The following SYNJ2 variants were observed in gnomAD, a reference collection of about 807,000 sequenced individuals.
SYNJ2 encodes synaptojanin 2, also known as polyphosphatidylinositol phosphatase SYNJ2.
Under a neutral mutation model 141.3 loss-of-function variants are expected in SYNJ2, and 116 were observed. The observed-to-expected ratio is 0.82, with a 90% CI of 0.71 to 0.96. The LOEUF (loss-of-function observed/expected upper bound fraction) is 0.96. SYNJ2 is among the 40% of genes least tolerant of loss of function. The pLI is 0.00. For synonymous variants in SYNJ2, 745 were observed against 777.7 expected (o/e 0.96, Z 0.70); for missense variants, 1,873 against 1,934.8 (o/e 0.97, Z 0.60).
intron 15 of SYNJ2, among the ~76,000 whole-genome samples, chr6:158,073,055 G>A (rs1470859852): frequency 8.0e-6 from 1 of 125,472 alleles, no homozygotes. Context: ...CGGCAACAGA[G>A]CGAGACTCTG....
intron 15 of SYNJ2, 80 bp from the exon 16 acceptor site, chr6:158,074,500 C>T: frequency 6.9e-7 from 1 of 1,455,256 alleles, no homozygotes; most frequent in South Asian, 1.3e-5. Context: ...TCCTGCTTGC[C>T]CCAGTGAGCT....
At chr6:157,984,241 T>G (rs1777117193) in intron 1 of SYNJ2, among the ~76,000 whole-genome samples, 1 of 152,246 alleles carries the variant, frequency 6.6e-6, no homozygotes, top group South Asian at 2.1e-4. Context: ...AGAGAATGTT[T>G]GTAGGAGAGA....
intron 20 of SYNJ2, 40 bp from the exon 21 acceptor site, chr6:158,083,389 G>A (rs1436105329): frequency 1.2e-6 from 2 of 1,603,832 alleles, no homozygotes; most frequent in Admixed American, 3.4e-5. Context: ...GAGGGGTCAT[G>A]ATTTTTATTT....
chr6:157,989,989 G>T (rs982757691), intron 1 of SYNJ2, among the ~76,000 whole-genome samples: 1 of 152,338 alleles, frequency 6.6e-6, no homozygotes, highest in South Asian at 2.1e-4. Flanking sequence ...AGCCAGCCTC[G>T]GAGCGTGAGT....
intron 1 of SYNJ2, 165 bp from the exon 2 acceptor site, chr6:158,017,039 T>G: frequency 1.5e-6 from 2 of 1,337,278 alleles, no homozygotes; most frequent in Non-Finnish European, 1.9e-6. Flanking sequence ...GCTCTGTGAT[T>G]CGCGAATCAT....
At chr6:158,088,033 AATTTTTTTTTTTTTTTTTT>A (rs1783184454) in intron 23 of SYNJ2, among the ~76,000 whole-genome samples, 3 of 36,816 alleles carry the variant, frequency 8.1e-5, no homozygotes, top group African/African-American at 2.7e-4. Context: ...CCTGCTTTGG[AATTTTTTTTTTTTTTTTTT>A]TTTTTTTTTT....
At position 158,040,499 on chromosome 6, in the gene SYNJ2, A is replaced by G. The variant is rs1779887541; in HGVS notation, c.712-2817A>G. On this transcript the variant is annotated intron_variant, in intron 4 of 26. Transcript: ENST00000355585. This position sits in a 1 kb window ranked among gnomAD's most constrained non-coding sequence, Gnocchi z 4.2. ...GCTCTGCAGTGCTGACTCACCACAC[A>G]GAAAAACAAGACCAAAAAGTCCCCT... Among the ~76,000 whole-genome samples the G allele has an allele frequency of 6.6e-6, 1 of 151,986 alleles. No homozygotes were observed. The highest frequency in any genetic ancestry group is 1.5e-5 in the Non-Finnish European group (1 of 68,020).
chr6:158,070,072 G>A lies in SYNJ2; in HGVS notation c.1940+399G>A. 1 of 837,460 alleles carries A rather than the reference G, an allele frequency of 1.2e-6. No homozygotes were observed. Among genetic ancestry groups the A allele is most frequent in the East Asian group, 1.2e-4 (1 of 8,296 alleles). The allele number at this position is 837,460 out of a possible 1,614,324, so 51.9% of individuals were successfully genotyped here. A position where few individuals can be genotyped will look rare whatever the true frequency, so the allele number is the denominator to read the frequency against. The stretch of plus-strand genomic sequence containing the variant: ...TAAAAGAATTCTAAGTAGAACGTGT[G>A]GGCCTCTACAACTGTGACCTCATTG... On this transcript the variant is annotated intron_variant, in intron 14 of 26. Coordinates refer to ENST00000355585, the MANE Select transcript of SYNJ2 (RefSeq NM_003898.4). The surrounding 1 kb of genome is among the most constrained non-coding windows in gnomAD (Gnocchi z 4.0).
intron 6 of SYNJ2, among the ~76,000 whole-genome samples, chr6:158,056,603 G>A (rs1460907786): frequency 2.0e-5 from 3 of 152,142 alleles, no homozygotes; most frequent in African/African-American, 4.8e-5. Flanking sequence ...CCTAGTGGCC[G>A]CAGTGGGGCA....
At chr6:157,989,216 A>G (rs1011677823) in intron 1 of SYNJ2, among the ~76,000 whole-genome samples, 3 of 151,920 alleles carry the variant, frequency 2.0e-5, no homozygotes, top group Non-Finnish European at 4.4e-5. Context: ...ACATTTGTGG[A>G]GTGTTTACCA....
chr6:158,041,286 C>T lies in SYNJ2; in HGVS notation c.712-2030C>T, dbSNP rs555136864. ...TCTCCTGCTTCCACTCTCTGTCCTG[C>T]CTCCCCACCCCAAGAGCCCTCTGTC... On this transcript the variant is annotated intron_variant, in intron 4 of 26. Coordinates refer to ENST00000355585, the MANE Select transcript of SYNJ2 (RefSeq NM_003898.4). Among the ~76,000 whole-genome samples the T allele has an allele frequency of 7.0e-4, 107 of 152,312 alleles. 1 individual carries two copies. Among genetic ancestry groups the T allele is most frequent in the African/African-American group, 2.3e-3 (96 of 41,566 alleles).
At chr6:158,060,736 T>G (rs1583432593) in intron 7 of SYNJ2, among the ~76,000 whole-genome samples, 1 of 152,212 alleles carries the variant, frequency 6.6e-6, no homozygotes, top group Non-Finnish European at 1.5e-5. Flanking sequence ...AGAATAATAA[T>G]AAGAACCCCA....
chr6:158,052,137 G>A (rs1295483563), intron 5 of SYNJ2, among the ~76,000 whole-genome samples: 1 of 152,184 alleles, frequency 6.6e-6, no homozygotes, highest in Non-Finnish European at 1.5e-5. Flanking sequence ...CATGATAATA[G>A]CTGCATCTCA....
chr6:158,096,054 G>A lies in SYNJ2; in HGVS notation c.4181G>A (p.Ser1394Asn). The A allele has an allele frequency of 6.2e-7, 1 of 1,614,234 alleles. No individual in the cohort carries two copies. Reference protein sequence around the residue: ...LSTSSATSPDSDGTKAMKPEA... With the variant: ...LSTSSATSPDNDGTKAMKPEA... ...ACTTCATCTGCTACAAGCCCCGACA[G>A]CGATGGCACCAAAGCGATGAAGCCA... The change falls in exon 27 of 27, where the codon AGC becomes AAC. Residue 1394 changes from serine to asparagine, a missense_variant. Transcript: ENST00000355585.
rs762471465 is a variant in SYNJ2 at position 158,043,426 on chromosome 6, C to T, written c.795+27C>T. The stretch of plus-strand genomic sequence containing the variant: ...TAGGTCATGAAAAAACTTAAATGTC[C>T]CCTTGTGATGTTGTCCGCCCTGCCC... On this transcript the variant is annotated intron_variant, in intron 5 of 26. Coordinates refer to ENST00000355585, the MANE Select transcript of SYNJ2 (RefSeq NM_003898.4). This position sits in a 1 kb window ranked among gnomAD's most constrained non-coding sequence, Gnocchi z 4.0. 5 of 1,566,182 alleles carry T rather than the reference C, an allele frequency of 3.2e-6. No individual in the cohort carries two copies. The South Asian group carries it at 4.4e-5, about 14-fold the overall frequency.
At chr6:158,074,081 G>A (rs184309902) in intron 15 of SYNJ2, among the ~76,000 whole-genome samples, 206 of 152,144 alleles carry the variant, frequency 1.4e-3, no homozygotes, top group African/African-American at 4.8e-3. Context: ...TGGGGCCGTG[G>A]GCTCCTAGGA....
chr6:158,028,490 G>A, intron 2 of SYNJ2: 1 of 519,048 alleles, frequency 1.9e-6, no homozygotes, highest in Non-Finnish European at 3.5e-6. Flanking sequence ...TCAGGCAGCT[G>A]GGCGGCAGGA....
rs1780076464 is a variant in SYNJ2, at chr6:158,043,638, C to CTG, written c.795+244_795+245dup. ...TTGTTGTTTCTGGTCGTCAAGGATG[C>CTG]TGTGTGAAACCGCTGACTCGGGAAC... is the stretch of plus-strand genomic sequence containing the variant. On this transcript the variant is annotated intron_variant, in intron 5 of 26. Coordinates refer to ENST00000355585, the MANE Select transcript of SYNJ2 (RefSeq NM_003898.4). This position sits in a 1 kb window ranked among gnomAD's most constrained non-coding sequence, Gnocchi z 4.0. Among the ~76,000 whole-genome samples the CTG allele has an allele frequency of 2.0e-5, 3 of 152,214 alleles. No individual in the cohort carries two copies. The South Asian group carries it at 6.2e-4, about 31-fold the overall frequency.
chr6:158,017,399 T>G (rs1274206609), intron 2 of SYNJ2, 109 bp downstream of exon 2: 21 of 832,924 alleles, frequency 2.5e-5, no homozygotes, highest in Non-Finnish European at 3.3e-5. Context: ...CTCTTCTCTC[T>G]CTCTTCTTTT....
Sources: gnomAD v4.1 joint callset for allele counts (sites outside exome capture counted in the v4.1 genomes callset) on GRCh38, gnomAD v4.1.1 for gene constraint, Gnocchi (gnomAD v3.1) non-coding constraint, MANE v1.5 for transcripts, NCBI Gene and HGNC (gene_info 2026-07-23, HGNC 2026-07-21) for gene names.